SORCS1: variants seen among roughly 807,000 people sequenced by gnomAD.
SORCS1 encodes the protein VPS10 domain-containing receptor SorCS1.
In SORCS1, 60 loss-of-function variants were observed where a neutral mutation model predicts 146.1. The ratio of observed to expected loss-of-function variants is 0.41; its 90% CI spans 0.33 to 0.51. SORCS1 has a LOEUF of 0.51. Ranked by LOEUF, SORCS1 falls within the 20% of genes least tolerant of loss-of-function variation. The pLI is 0.21. For synonymous variants in SORCS1, 637 were observed against 584.0 expected (o/e 1.09, Z -1.31); for missense variants, 1,352 against 1,487.6 (o/e 0.91, Z 1.50).
chr10:107,091,648 T>C (rs755041552), intron 1 of SORCS1, among the ~76,000 whole-genome samples: 20 of 152,108 alleles, frequency 1.3e-4, no homozygotes, highest in Non-Finnish European at 1.9e-4. Flanking sequence ...TGGAGGAGAA[T>C]AAGTCACCGA....
At chr10:106,856,799 A>G (rs1190234632) in intron 2 of SORCS1, among the ~76,000 whole-genome samples, 2 of 152,216 alleles carry the variant, frequency 1.3e-5, no homozygotes, top group African/African-American at 4.8e-5. Flanking sequence ...TTTGTAACTT[A>G]GCACTGGTTC....
chr10:107,109,488 G>A (rs1420500866), intron 1 of SORCS1, among the ~76,000 whole-genome samples: 1 of 152,226 alleles, frequency 6.6e-6, no homozygotes, highest in Non-Finnish European at 1.5e-5. Context: ...CAAGGATGGA[G>A]CCAGAGGGGC....
intron 23 of SORCS1, among the ~76,000 whole-genome samples, chr10:106,603,170 G>A (rs1846356128): frequency 1.3e-5 from 2 of 152,056 alleles, no homozygotes; most frequent in African/African-American, 4.8e-5. Context: ...CCCTACAGGA[G>A]AGACAGAAAC....
intron 3 of SORCS1, among the ~76,000 whole-genome samples, chr10:106,790,783 C>G (rs117012743): frequency 2.6e-5 from 4 of 152,060 alleles, no homozygotes; most frequent in Non-Finnish European, 5.9e-5. Context: ...GCTACTTGTC[C>G]GATGTCTAGC....
At chr10:106,578,776 T>A (rs975780257) in intron 25 of SORCS1, 21 of 1,167,404 alleles carry the variant, frequency 1.8e-5, no homozygotes, top group East Asian at 5.6e-5. Flanking sequence ...CTCCTTCTTA[T>A]ATACTATTAA....
At position 107,031,685 on chromosome 10, in the gene SORCS1, G is replaced by A. The variant is rs74154830; in HGVS notation, c.559-75105C>T. Among the ~76,000 whole-genome samples the A allele has an allele frequency of 6.3e-3, 949 of 151,790 alleles. 13 individuals carry two copies. Among genetic ancestry groups the A allele is most frequent in the African/African-American group, 0.022 (901 of 41,358 alleles). On this transcript the variant is annotated intron_variant, in intron 1 of 25. Coordinates refer to ENST00000263054, the MANE Select transcript of SORCS1 (RefSeq NM_052918.5). The stretch of plus-strand genomic sequence containing the variant: ...GTGACACAATCATAGTGCACTACAG[G>A]CTGGAACTCCTGAACTTAATTAAAC...
chr10:107,028,080 ATTT>A (rs1456869781), intron 1 of SORCS1, among the ~76,000 whole-genome samples: 4 of 152,180 alleles, frequency 2.6e-5, no homozygotes, highest in Non-Finnish European at 5.9e-5. Context: ...TTCTTGTCGT[ATTT>A]TATCGCTCAT....
intron 2 of SORCS1, among the ~76,000 whole-genome samples, chr10:106,886,444 A>G (rs1378756330): frequency 1.3e-5 from 2 of 152,148 alleles, no homozygotes; most frequent in African/African-American, 4.8e-5. Flanking sequence ...TCTTAGAATC[A>G]AACATCACAC....
At chr10:106,916,383 T>C (rs550152542) in intron 2 of SORCS1, among the ~76,000 whole-genome samples, 40 of 150,894 alleles carry the variant, frequency 2.7e-4, no homozygotes, top group African/African-American at 9.2e-4. Context: ...CTATTCCAGG[T>C]CCAATTTTTT....
At chr10:106,898,399 C>T (rs74152269) in intron 2 of SORCS1, among the ~76,000 whole-genome samples, 3,753 of 152,296 alleles carry the variant, frequency 0.025, 137 homozygotes, top group African/African-American at 0.084. Context: ...GCTGGGCTTT[C>T]TATGCAGGAG....
At chr10:107,011,137 T>C (rs1032745276) in intron 1 of SORCS1, among the ~76,000 whole-genome samples, 1 of 152,200 alleles carries the variant, frequency 6.6e-6, no homozygotes, top group Non-Finnish European at 1.5e-5. Context: ...GACTGATAAA[T>C]AGCAGCTTCC....
At chr10:107,092,883 GAAAAAAA>G (rs34184443) in intron 1 of SORCS1, among the ~76,000 whole-genome samples, 1 of 61,516 alleles carries the variant, frequency 1.6e-5, no homozygotes, top group African/African-American at 6.2e-5. Context: ...AGAAGACCAT[GAAAAAAA>G]AAAAAAAAAA....
intron 14 of SORCS1, 40 bp from the exon 15 acceptor site, chr10:106,673,025 C>G (rs756289034): frequency 6.6e-7 from 1 of 1,514,196 alleles, no homozygotes; most frequent in Non-Finnish European, 9.1e-7. Flanking sequence ...ACAATGATAA[C>G]AATGTAATGA....
intron 2 of SORCS1, among the ~76,000 whole-genome samples, chr10:106,932,474 C>T (rs1247035502): frequency 1.3e-5 from 2 of 152,138 alleles, no homozygotes; most frequent in Non-Finnish European, 2.9e-5. Flanking sequence ...GTATACCTTG[C>T]TGCCTTAGAG....
At chr10:106,645,895 G>A (rs1849393541) in intron 18 of SORCS1, among the ~76,000 whole-genome samples, 1 of 151,722 alleles carries the variant, frequency 6.6e-6, no homozygotes, top group African/African-American at 2.4e-5. Flanking sequence ...CTCCCCTCTA[G>A]GACTTAATTT....
intron 1 of SORCS1, among the ~76,000 whole-genome samples, chr10:107,017,867 T>C (rs912758496): frequency 3.3e-5 from 5 of 152,108 alleles, no homozygotes; most frequent in East Asian, 3.9e-4. Context: ...TGTTTCACCA[T>C]GTTAGTCAGG....
At chr10:106,815,434 A>C (rs1466477371) in intron 3 of SORCS1, among the ~76,000 whole-genome samples, 1 of 152,136 alleles carries the variant, frequency 6.6e-6, no homozygotes, top group African/African-American at 2.4e-5. Context: ...AATTCCCCCA[A>C]GTTAGGTATG....
upstream of SORCS1, among the ~76,000 whole-genome samples, chr10:107,166,127 ATATT>A (rs1193913085): frequency 1.3e-5 from 2 of 152,226 alleles, no homozygotes; most frequent in African/African-American, 4.8e-5. Flanking sequence ...TATTTAATGA[ATATT>A]TACTGATTGA....
At chr10:106,797,747 G>C (rs985877382) in intron 3 of SORCS1, among the ~76,000 whole-genome samples, 7 of 152,142 alleles carry the variant, frequency 4.6e-5, no homozygotes, top group Admixed American at 4.6e-4. Context: ...AGTCCATGCA[G>C]CCAGATGCTC....
Sources: gnomAD v4.1 joint callset for allele counts (sites outside exome capture counted in the v4.1 genomes callset) on GRCh38, gnomAD v4.1.1 for gene constraint, MANE v1.5 for transcripts, NCBI Gene and HGNC (gene_info 2026-07-23, HGNC 2026-07-21) for gene names.